The following PRKN variants were observed in gnomAD, a reference collection of about 807,000 sequenced individuals.
PRKN encodes the protein parkin RBR E3 ubiquitin protein ligase.
PRKN carries 56 observed loss-of-function variants against 59.5 expected under a neutral mutation model. The observed-to-expected ratio is 0.94, with a 90% confidence interval of 0.76 to 1.18. PRKN has a LOEUF of 1.18. PRKN is among the 50% of genes most tolerant of loss of function. PRKN has a pLI of 0.00. For synonymous variants in PRKN, 250 were observed against 222.1 expected (o/e 1.13, Z -1.12); for missense variants, 657 against 596.4 (o/e 1.10, Z -1.06).
chr6:162,275,773 G>GA (rs1562633367), intron 2 of PRKN, among the ~76,000 whole-genome samples: 1 of 144,926 alleles, frequency 6.9e-6, no homozygotes, highest in Admixed American at 7.0e-5. Flanking sequence ...TAACAAGAGT[G>GA]AAAATCCGTC....
At chr6:162,573,289 T>C (rs7451147) in intron 1 of PRKN, among the ~76,000 whole-genome samples, 34,002 of 151,988 alleles carry the variant, frequency 0.22, 4,569 homozygotes, top group African/African-American at 0.37. Flanking sequence ...TCCACCTTTT[T>C]TCATGCAAGC....
intron 1 of PRKN, among the ~76,000 whole-genome samples, chr6:162,691,925 T>A (rs1239481365): frequency 2.0e-5 from 3 of 152,088 alleles, no homozygotes; most frequent in Non-Finnish European, 2.9e-5. Context: ...GATCTTGCTT[T>A]TATCAGGCTT....
intron 6 of PRKN, among the ~76,000 whole-genome samples, chr6:161,825,753 G>A (rs1053042133): frequency 4.6e-5 from 7 of 152,134 alleles, no homozygotes; most frequent in Admixed American, 2.0e-4. Context: ...ATAGTAATGG[G>A]AGACAGGAGG....
chr6:161,969,854 G>C (rs888356826), intron 6 of PRKN, among the ~76,000 whole-genome samples: 1 of 150,818 alleles, frequency 6.6e-6, no homozygotes, highest in Non-Finnish European at 1.5e-5. Context: ...TTTCCTTTTT[G>C]CCCAATAAAT....
intron 4 of PRKN, among the ~76,000 whole-genome samples, chr6:162,086,705 T>G (rs1779260331): frequency 6.6e-6 from 1 of 152,172 alleles, no homozygotes; most frequent in African/African-American, 2.4e-5. Context: ...CAGACACATC[T>G]GGGAGAATGC....
intron 1 of PRKN, among the ~76,000 whole-genome samples, chr6:162,582,840 T>C (rs1780842032): frequency 6.6e-6 from 1 of 152,212 alleles, no homozygotes; most frequent in Admixed American, 6.5e-5. Flanking sequence ...AATAAGCCTT[T>C]AAGTTCTTAC....
intron 6 of PRKN, among the ~76,000 whole-genome samples, chr6:161,901,537 A>G (rs376509528): frequency 5.9e-5 from 9 of 152,116 alleles, no homozygotes; most frequent in Non-Finnish European, 1.0e-4. Context: ...AATGGTCTAA[A>G]TTTCAAATAT....
At chr6:161,691,318 C>A (rs1016288275) in intron 7 of PRKN, among the ~76,000 whole-genome samples, 1 of 152,202 alleles carries the variant, frequency 6.6e-6, no homozygotes, top group Non-Finnish European at 1.5e-5. Context: ...CGAAGCAAGG[C>A]CCCTGCAGGC....
chr6:161,439,233 G>A (rs1789073662), intron 9 of PRKN, among the ~76,000 whole-genome samples: 1 of 152,100 alleles, frequency 6.6e-6, no homozygotes, highest in African/African-American at 2.4e-5. Flanking sequence ...ATTAGTCCCG[G>A]GCTCACGGCA....
chr6:161,882,761 T>C (rs1794986306), intron 6 of PRKN, among the ~76,000 whole-genome samples: 1 of 152,176 alleles, frequency 6.6e-6, no homozygotes, highest in Non-Finnish European at 1.5e-5. Flanking sequence ...CCCAGCACTT[T>C]GGGAGGCCGA....
At chr6:161,997,590 C>A (rs1781894293) in intron 5 of PRKN, among the ~76,000 whole-genome samples, 1 of 152,108 alleles carries the variant, frequency 6.6e-6, no homozygotes, top group African/African-American at 2.4e-5. Context: ...TACACTTTTC[C>A]AATCAGTTGG....
chr6:161,843,995 C>A (rs1336927184), intron 6 of PRKN, among the ~76,000 whole-genome samples: 1 of 152,064 alleles, frequency 6.6e-6, no homozygotes, highest in Non-Finnish European at 1.5e-5. Context: ...CACTTGAAAG[C>A]CTTTCTGCCT....
intron 3 of PRKN, among the ~76,000 whole-genome samples, chr6:162,247,971 C>A (rs1163132186): frequency 6.6e-6 from 1 of 152,120 alleles, no homozygotes; most frequent in Non-Finnish European, 1.5e-5. Flanking sequence ...ATGATCAGAT[C>A]TAAAATTTAA....
intron 9 of PRKN, among the ~76,000 whole-genome samples, chr6:161,427,695 C>G (rs1281019979): frequency 6.6e-6 from 1 of 152,098 alleles, no homozygotes; most frequent in African/African-American, 2.4e-5. Context: ...CCACTGTGTT[C>G]TACATTTAGG....
intron 7 of PRKN, among the ~76,000 whole-genome samples, chr6:161,663,610 G>C (rs1470921763): frequency 1.3e-5 from 2 of 152,158 alleles, no homozygotes; most frequent in Non-Finnish European, 2.9e-5. Context: ...TGCATGTCAG[G>C]CAAGTTTTGT....
chr6:162,339,595 G>A (rs1190703574), intron 2 of PRKN, among the ~76,000 whole-genome samples: 30 of 151,776 alleles, frequency 2.0e-4, no homozygotes, highest in Middle Eastern at 3.4e-3. Flanking sequence ...CTACTGGGAA[G>A]TGAGGAGCCC....
At chr6:162,604,116 C>T (rs114511448) in intron 1 of PRKN, among the ~76,000 whole-genome samples, 427 of 152,290 alleles carry the variant, frequency 2.8e-3, no homozygotes, top group African/African-American at 9.6e-3. Flanking sequence ...GCAATTGCAC[C>T]TGTCTGACCA....
chr6:161,542,491 C>T (rs910453160), intron 9 of PRKN, among the ~76,000 whole-genome samples: 8 of 152,340 alleles, frequency 5.3e-5, no homozygotes, highest in Admixed American at 5.2e-4. Flanking sequence ...AATAAATACT[C>T]TCCAAAGCTT....
chr6:162,579,752 A>G (rs755504906), intron 1 of PRKN, among the ~76,000 whole-genome samples: 15 of 151,210 alleles, frequency 9.9e-5, no homozygotes, highest in Non-Finnish European at 2.1e-4. Flanking sequence ...ACATTCACAC[A>G]CATTTACAAA....
Sources: allele counts gnomAD v4.1 joint callset (sites outside exome capture counted in the v4.1 genomes callset), GRCh38; gene constraint gnomAD v4.1.1; transcripts MANE v1.5; gene names NCBI Gene and HGNC (gene_info 2026-07-23, HGNC 2026-07-21).